Variants in LANCL3 observed in about 807,000 individuals in gnomAD.
LANCL3 encodes the protein lanC-like protein 3.
LANCL3 carries 19 observed loss-of-function variants against 26.5 expected under a neutral mutation model. The observed-to-expected ratio is 0.72, with a 90% confidence interval of 0.50 to 1.05. The LOEUF (loss-of-function observed/expected upper bound fraction) is 1.05, where lower values mean the gene tolerates loss of function less well. LANCL3 is among the 50% of genes least tolerant of loss of function. The pLI is 0.00. For missense variants in LANCL3, 318 were observed against 362.7 expected (o/e 0.88, Z 1.00); for synonymous variants, 160 against 166.6 (o/e 0.96, Z 0.30).
chrX:37,667,822 T>G (rs1371288776), intron 4 of LANCL3, among the ~76,000 whole-genome samples: 2 of 111,226 alleles, frequency 1.8e-5, no homozygotes, highest in Non-Finnish European at 3.8e-5. Context: ...TGGTGAAAGC[T>G]TCAGGAAGCT....
At chrX:37,575,784 A>ACCTG (rs1427029584) in intron 1 of LANCL3, among the ~76,000 whole-genome samples, 2 of 111,779 alleles carry the variant, frequency 1.8e-5, no homozygotes, top group Non-Finnish European at 3.8e-5. Context: ...TTGGCATTAT[A>ACCTG]CCTGCCACCT....
intron 4 of LANCL3, among the ~76,000 whole-genome samples, chrX:37,671,140 C>A (rs1018234606): frequency 1.8e-5 from 2 of 111,180 alleles, no homozygotes; most frequent in Admixed American, 1.9e-4. Flanking sequence ...ATTACTGTTT[C>A]TATTAGTTTT....
At chrX:37,625,474 T>C (rs1925288625) in intron 1 of LANCL3, among the ~76,000 whole-genome samples, 1 of 111,351 alleles carries the variant, frequency 9.0e-6, no homozygotes, top group Non-Finnish European at 1.9e-5. Context: ...AGCTTCTGCG[T>C]ACCCATAATA....
At chrX:37,631,279 T>C (rs144198697) in intron 1 of LANCL3, among the ~76,000 whole-genome samples, 9,379 of 111,705 alleles carry the variant, frequency 0.084, 972 homozygotes, top group African/African-American at 0.29. Flanking sequence ...TTTGTATTTC[T>C]GTGGGATTGG....
At chrX:37,605,086 G>A (rs892540846) in intron 1 of LANCL3, among the ~76,000 whole-genome samples, 4 of 111,576 alleles carry the variant, frequency 3.6e-5, no homozygotes, top group Non-Finnish European at 5.7e-5. Flanking sequence ...CCCCTTTGTC[G>A]CCATCATCTT....
chrX:37,587,717 G>T lies in LANCL3; in HGVS notation c.573+15274G>T, dbSNP rs139552344. ...GTCACAGCTTTGCTTGGCTAGGAAA[G>T]GGAATTCCATGACCCTTTGTGCTTC... On this transcript the variant is annotated intron_variant, in intron 1 of 4. Transcript: ENST00000378619. Among the ~76,000 whole-genome samples the T allele has an allele frequency of 8.0e-3, 898 of 112,664 alleles. 5 individuals carry two copies. The highest frequency in any genetic ancestry group is 0.028 in the African/African-American group (857 of 31,033).
rs1927003086 is a variant in LANCL3 at position 37,684,191 on chromosome X, C to CTT, written c.*8379_*8380insTT. ...CCCACTGCATGGTATAATGAAATCT[C>CTT]TATAAGCAAGATAGAGTCAGAAGCT... is the stretch of plus-strand genomic sequence containing the variant. On this transcript the variant is annotated 3_prime_UTR_variant, in exon 5 of 5. Transcript: ENST00000378619. 1 of 112,296 alleles carries CTT rather than the reference C, an allele frequency of 8.9e-6. No individual in the cohort carries two copies. The highest frequency in any genetic ancestry group is 2.8e-4 in the East Asian group (1 of 3,600). 9.3% of individuals were successfully genotyped at this position (112,296 alleles called of 1,213,427 possible). A position where few individuals can be genotyped will look rare whatever the true frequency, so the allele number is the denominator to read the frequency against.
intron 1 of LANCL3, among the ~76,000 whole-genome samples, chrX:37,605,558 C>T (rs1203666992): frequency 1.8e-5 from 2 of 111,654 alleles, no homozygotes; most frequent in African/African-American, 6.5e-5. Flanking sequence ...AACAGCCCTT[C>T]CTGGCATTAC....
intron 1 of LANCL3, among the ~76,000 whole-genome samples, chrX:37,645,956 A>G (rs782771654): frequency 1.8e-5 from 2 of 111,996 alleles, no homozygotes; most frequent in South Asian, 7.5e-4. Flanking sequence ...ATCATCCAAT[A>G]AGTTAAAAAT....
chrX:37,660,018 A>G (rs952668752), intron 3 of LANCL3, among the ~76,000 whole-genome samples: 14 of 111,623 alleles, frequency 1.3e-4, no homozygotes, highest in Non-Finnish European at 2.3e-4. Context: ...TGTACCCCCA[A>G]TATTACCATC....
chrX:37,646,578 G>A (rs1348350143), intron 1 of LANCL3, among the ~76,000 whole-genome samples: 1 of 112,177 alleles, frequency 8.9e-6, no homozygotes, highest in African/African-American at 3.2e-5. Flanking sequence ...TTTGGACTGG[G>A]AATTTTAAAA....
chrX:37,638,750 T>A (rs782683918), intron 1 of LANCL3, among the ~76,000 whole-genome samples: 6 of 111,172 alleles, frequency 5.4e-5, no homozygotes, highest in Non-Finnish European at 1.1e-4. Flanking sequence ...AGCATTTCCA[T>A]CAATCTAGAA....
At chrX:37,627,776 C>T (rs1425198931) in intron 1 of LANCL3, among the ~76,000 whole-genome samples, 1 of 111,717 alleles carries the variant, frequency 9.0e-6, no homozygotes, top group Non-Finnish European at 1.9e-5. Context: ...GGGCCCAGGG[C>T]CAGCTCCACC....
intron 1 of LANCL3, among the ~76,000 whole-genome samples, chrX:37,652,347 G>A (rs1001968233): frequency 1.8e-5 from 2 of 110,384 alleles, no homozygotes; most frequent in Admixed American, 1.9e-4. Context: ...TTCAGTCATA[G>A]CATGACTTTC....
chrX:37,585,591 C>G (rs1162143916), intron 1 of LANCL3, among the ~76,000 whole-genome samples: 2 of 111,619 alleles, frequency 1.8e-5, no homozygotes, highest in African/African-American at 6.5e-5. Context: ...GGTTTAAAGT[C>G]TGTTTTATCA....
Position 37,584,290 on chromosome X carries a change from T to G in LANCL3, c.573+11847T>G, listed in dbSNP as rs782762600. Among the ~76,000 whole-genome samples, 627 of 102,952 alleles carry G rather than the reference T, an allele frequency of 6.1e-3. 14 individuals carry two copies. The highest frequency in any genetic ancestry group is 0.025 in the African/African-American group (577 of 23,331). 89.4% of individuals were successfully genotyped at this position (102,952 alleles called of 115,157 possible). A position where few individuals can be genotyped will look rare whatever the true frequency, so the allele number is the denominator to read the frequency against. ...TGGTCTAAAATTCTCTTTTCTTGTT[T>G]TGTTTTTGCCAGGCTTTGGTGTCAG... On this transcript the variant is annotated intron_variant, in intron 1 of 4. Coordinates refer to ENST00000378619, the MANE Select transcript of LANCL3 (RefSeq NM_001170331.2).
At chrX:37,632,940 G>C (rs1556424811) in intron 1 of LANCL3, among the ~76,000 whole-genome samples, 1 of 108,958 alleles carries the variant, frequency 9.2e-6, no homozygotes. Flanking sequence ...TCTTGGAGTT[G>C]CTCTTCTCGA....
intron 1 of LANCL3, among the ~76,000 whole-genome samples, chrX:37,591,191 G>A (rs1412637417): frequency 9.0e-6 from 1 of 111,674 alleles, no homozygotes; most frequent in East Asian, 2.8e-4. Context: ...TAGAACCCAC[G>A]TTTGTCTGAC....
intron 1 of LANCL3, among the ~76,000 whole-genome samples, chrX:37,595,131 T>C (rs1331452307): frequency 3.6e-5 from 4 of 111,881 alleles, no homozygotes; most frequent in African/African-American, 1.3e-4. Context: ...TCATCTTACA[T>C]GTTTCCTAGG....
Sources: allele counts gnomAD v4.1 joint callset (sites outside exome capture counted in the v4.1 genomes callset), GRCh38; gene constraint gnomAD v4.1.1; transcripts MANE v1.5; gene names NCBI Gene and HGNC (gene_info 2026-07-23, HGNC 2026-07-21).